CIPC: variants seen among roughly 807,000 people sequenced by gnomAD.
CIPC encodes the protein CLOCK interacting pacemaker.
CIPC carries 12 observed loss-of-function variants against 26.7 expected under a neutral mutation model. The ratio of observed to expected loss-of-function variants is 0.45; its 90% CI spans 0.29 to 0.73. CIPC has a LOEUF of 0.73. Among genes scored for constraint, CIPC ranks in the 30% least tolerant of loss-of-function variants. The pLI is 0.12. For synonymous variants in CIPC, 170 were observed against 189.8 expected (o/e 0.90, Z 0.86); for missense variants, 417 against 486.5 (o/e 0.86, Z 1.34).
At position 77,105,695 on chromosome 14, in the gene CIPC, C is replaced by T; in HGVS notation, c.-14C>T. 6.2e-7 allele frequency: 1 copy of T among 1,612,078 alleles called. No individual in the cohort carries two copies. Among genetic ancestry groups the T allele is most frequent in the Non-Finnish European group, 8.5e-7 (1 of 1,179,222 alleles). ...AAAAGAGTACCAATGAATCTGCCTC[C>T]AGCTGAATAAACCATGGAGAGGAAA... On this transcript the variant is annotated 5_prime_UTR_variant, in exon 2 of 4. Coordinates refer to ENST00000361786, the MANE Select transcript of CIPC (RefSeq NM_033426.3).
Position 77,113,461 on chromosome 14 carries a change from C to G in CIPC, c.343C>G (p.Gln115Glu). The G allele has an allele frequency of 6.2e-7, 1 of 1,614,166 alleles. No homozygotes were observed. The highest frequency in any genetic ancestry group is 8.5e-7 in the Non-Finnish European group (1 of 1,180,042). ...SSSQLQSWTV[Q>E]PSFEVISAQP... The stretch of plus-strand genomic sequence containing the variant: ...ATCCCAGCTCCAGTCGTGGACTGTC[C>G]AGCCCTCCTTTGAAGTGATCTCAGC... The change falls in exon 4 of 4, where the codon CAG becomes GAG. Residue 115 changes from glutamine (Q) to glutamate (E), a missense_variant. Transcript: ENST00000361786.
rs1243924492 is a variant in CIPC at position 77,114,115 on chromosome 14, A to G, written c.997A>G (p.Thr333Ala). 6.2e-7 allele frequency: 1 copy of G among 1,614,120 alleles called. No homozygotes were observed. The highest frequency in any genetic ancestry group is 2.2e-5 in the East Asian group (1 of 44,884). ...ACATAAATCTGGTTTGCTGGAGATC[A>G]CTTTGAAAACCAAGGAGTTGATTCG... is the stretch of plus-strand genomic sequence containing the variant. Reference protein sequence around the residue: ...VLHKSGLLEITLKTKELIRQN... With the variant: ...VLHKSGLLEIALKTKELIRQN... The change falls in exon 4 of 4, where the codon ACT becomes GCT. Residue 333 changes from threonine to alanine, a missense_variant. Transcript: ENST00000361786.
At chr14:77,112,226 A>G (rs1205028293) in intron 3 of CIPC, among the ~76,000 whole-genome samples, 1 of 152,210 alleles carries the variant, frequency 6.6e-6, no homozygotes, top group East Asian at 1.9e-4. Context: ...GGCTTTATCT[A>G]TACTCAGATT....
intron 2 of CIPC, 196 bp downstream of exon 2, chr14:77,106,040 A>T (rs1409811873): frequency 2.2e-6 from 1 of 447,602 alleles, no homozygotes; most frequent in African/African-American, 2.0e-5. Context: ...GTTCTGAAAG[A>T]ATTATTTAAC....
intron 3 of CIPC, among the ~76,000 whole-genome samples, chr14:77,110,523 T>A (rs1886676207): frequency 6.6e-6 from 1 of 152,222 alleles, no homozygotes; most frequent in Admixed American, 6.5e-5. Context: ...ACCAGCAGAA[T>A]CCACACAGTG....
chr14:77,114,206 C>T lies in CIPC; in HGVS notation c.1088C>T (p.Ala363Val). The T allele has an allele frequency of 6.2e-7, 1 of 1,614,156 alleles. No individual in the cohort carries two copies. The highest frequency in any genetic ancestry group is 8.5e-7 in the Non-Finnish European group (1 of 1,180,034). The change falls in exon 4 of 4, where the codon GCC (alanine) becomes GTC (valine). Residue 363 changes from alanine to valine, a missense_variant. Transcript: ENST00000361786. The stretch of plus-strand genomic sequence containing the variant: ...GAGCAAACCCAGCTGTTTATAGAAG[C>T]CACCAAGAGCAGGGCCCCTCAGGCT... ...LKEQTQLFIE[A>V]TKSRAPQAWA... is the part of the protein sequence containing the mutation.
rs951471968 is a variant in CIPC at position 77,114,084 on chromosome 14, A to G, written c.966A>G (p.Val322=). Residue 322 remains valine (V), a synonymous_variant, in exon 4 of 4, where the codon GTA becomes GTG. Transcript: ENST00000361786. ...ATAGGCGCTTTCAGAATACCCTAGT[A>G]GTCCTACATAAATCTGGTTTGCTGG... is the stretch of plus-strand genomic sequence containing the variant. ...SKHRRFQNTL[V]VLHKSGLLEI... 7 of 1,614,038 alleles carry G rather than the reference A, an allele frequency of 4.3e-6. No individual in the cohort carries two copies. Among genetic ancestry groups the G allele is most frequent in the Non-Finnish European group, 5.1e-6 (6 of 1,180,040 alleles).
In CIPC at chr14:77,098,350, C is replaced by T. The variant is rs946560050; in HGVS notation, c.-64C>T. ...CCACAGGCCGGTCGTGGAGCTGCGA[C>T]CCCGGCCCTAGGTGAGAAAGGGAGG... On this transcript the variant is annotated 5_prime_UTR_variant, in exon 1 of 4. Coordinates refer to ENST00000361786, the MANE Select transcript of CIPC (RefSeq NM_033426.3). The T allele has an allele frequency of 3.9e-5, 6 of 152,708 alleles. No homozygotes were observed. The highest frequency in any genetic ancestry group is 1.4e-4 in the African/African-American group (6 of 41,446). The allele number at this position is 152,708 out of a possible 1,614,324, so 9.5% of individuals were successfully genotyped here.
At position 77,110,208 on chromosome 14, in the gene CIPC, CAGTT is replaced by C. The variant is rs373078948; in HGVS notation, c.306+230_306+233del. 4.1e-3 allele frequency among the ~76,000 whole-genome samples: 619 copies of C among 152,018 alleles called. 3 individuals are homozygous for C. Among genetic ancestry groups the C allele is most frequent in the African/African-American group, 0.014 (592 of 41,452 alleles). On this transcript the variant is annotated intron_variant, in intron 3 of 3. Transcript: ENST00000361786. ...ATGACATGCGTTCTCATTTTTCAGA[CAGTT>C]AGGTTGTTTTATTTCTGTATTCATA...
chr14:77,105,963 T>TA (rs1886584051), intron 2 of CIPC, 119 bp downstream of exon 2: 7 of 1,170,250 alleles, frequency 6.0e-6, no homozygotes, highest in Non-Finnish European at 8.4e-6. Flanking sequence ...GATAAATACT[T>TA]ACCTGCTTTA....
chr14:77,109,722 C>A, intron 2 of CIPC, 90 bp from the exon 3 acceptor site: 1 of 1,205,368 alleles, frequency 8.3e-7, no homozygotes, highest in South Asian at 1.8e-5. Flanking sequence ...GTGTTGCATT[C>A]AATTTCAAGA....
In CIPC at chr14:77,115,645, T is replaced by C. The variant is rs1240608235; in HGVS notation, c.*1327T>C. Reference sequence around the variant, plus strand: ...CATCCTCTTGAAAATCTTTGTTCTTTACAAAATTATCTTAATAAGTTCTAT... The same window carrying C: ...CATCCTCTTGAAAATCTTTGTTCTTCACAAAATTATCTTAATAAGTTCTAT... On this transcript the variant is annotated 3_prime_UTR_variant, in exon 4 of 4. Coordinates refer to ENST00000361786, the MANE Select transcript of CIPC (RefSeq NM_033426.3). 6.6e-6 allele frequency: 1 copy of C among 151,684 alleles called. No individual in the cohort carries two copies. Among genetic ancestry groups the C allele is most frequent in the African/African-American group, 2.4e-5 (1 of 41,338 alleles). The allele number at this position is 151,684 out of a possible 1,614,324, so 9.4% of individuals were successfully genotyped here.
rs1054222294 is a variant in CIPC, at chr14:77,108,810, A to G, written c.137-1002A>G. On this transcript the variant is annotated intron_variant, in intron 2 of 3. Transcript: ENST00000361786. ...TCTTTTGAGTATCACTAATGTAGTC[A>G]TGGAATTCTTTTGTAATTCAGTTTG... Among the ~76,000 whole-genome samples the G allele has an allele frequency of 4.6e-5, 7 of 152,174 alleles. No individual in the cohort carries two copies. In the East Asian group the frequency reaches 9.6e-4, roughly 21 times the overall value.
Position 77,113,806 on chromosome 14 carries a change from G to A in CIPC, c.688G>A (p.Gly230Ser), listed in dbSNP as rs373673890. ...ACTTGCCGAGGACTCAGCTCTGCAG[G>A]GTGTGCCCTCTCTGGTGGCAGGTGG... ...AKLAEDSALQ[G>S]VPSLVAGGSP... is the part of the protein sequence containing the mutation. Residue 230 changes from glycine to serine, a missense_variant, in exon 4 of 4, where the codon GGT becomes AGT. By Grantham distance (56) the Gly-to-Ser change is moderately conservative (BLOSUM62 0). Transcript: ENST00000361786. The A allele has an allele frequency of 1.4e-5, 22 of 1,614,004 alleles. No homozygotes were observed. Among genetic ancestry groups the A allele is most frequent in the Non-Finnish European group, 1.9e-5 (22 of 1,180,036 alleles).
rs149763057 is a variant in CIPC at position 77,107,224 on chromosome 14, A to G, written c.136+1380A>G. Among the ~76,000 whole-genome samples the G allele has an allele frequency of 1.2e-3, 185 of 152,362 alleles. 1 individual carries two copies. The highest frequency in any genetic ancestry group is 2.0e-3 in the Non-Finnish European group (138 of 68,034). ...GGACAGGTAGGAAAGCATGAAGAAG[A>G]AAAACATTATCCATAATCTTACCAT... On this transcript the variant is annotated intron_variant, in intron 2 of 3. Coordinates refer to ENST00000361786, the MANE Select transcript of CIPC (RefSeq NM_033426.3).
intron 3 of CIPC, among the ~76,000 whole-genome samples, chr14:77,112,246 A>G (rs1886718083): frequency 6.6e-6 from 1 of 152,250 alleles, no homozygotes; most frequent in South Asian, 2.1e-4. Context: ...TTTGGGGACC[A>G]GGTTGGAACT....
intron 1 of CIPC, 31 bp from the exon 2 acceptor site, chr14:77,105,626 C>T: frequency 6.9e-7 from 1 of 1,454,594 alleles, no homozygotes; most frequent in Non-Finnish European, 9.4e-7. Flanking sequence ...GCTCTCCAGG[C>T]AGTGACTTCT....
In CIPC at chr14:77,102,204, C is replaced by T. The variant is rs1886502427; in HGVS notation, c.-52-3453C>T. The stretch of plus-strand genomic sequence containing the variant: ...CTTGACCTCTGTGTAGCATTCCTTC[C>T]TCTCTGTTATAGGGCAGGACCCATT... On this transcript the variant is annotated intron_variant, in intron 1 of 3. Transcript: ENST00000361786. 5.3e-5 allele frequency among the ~76,000 whole-genome samples: 8 copies of T among 152,182 alleles called. No homozygotes were observed. In the South Asian group the frequency reaches 1.7e-3, roughly 31 times the overall value.
rs183686078 is a variant in CIPC, at chr14:77,105,169, A to G, written c.-52-488A>G. On this transcript the variant is annotated intron_variant, in intron 1 of 3. Coordinates refer to ENST00000361786, the MANE Select transcript of CIPC (RefSeq NM_033426.3). ...TTTAGAGGTTAATTTGAGAAACACA[A>G]CACTGTGGGAGGTGGCAATAGGTCA... Among the ~76,000 whole-genome samples the G allele has an allele frequency of 4.1e-4, 62 of 152,324 alleles. 1 individual carries two copies. The highest frequency in any genetic ancestry group is 1.4e-3 in the African/African-American group (58 of 41,558).
Sources: allele counts gnomAD v4.1 joint callset (sites outside exome capture counted in the v4.1 genomes callset), GRCh38; gene constraint gnomAD v4.1.1; transcripts MANE v1.5; gene names NCBI Gene and HGNC (gene_info 2026-07-23, HGNC 2026-07-21).